Variants in ACTR3C observed in about 807,000 individuals in gnomAD.
ACTR3C encodes the protein actin-related protein 3C.
Under a neutral mutation model 26.3 loss-of-function variants are expected in ACTR3C, and 18 were observed. The ratio of observed to expected loss-of-function variants is 0.68; its 90% CI spans 0.47 to 1.01. The LOEUF (loss-of-function observed/expected upper bound fraction) is 1.01. Among genes scored for constraint, ACTR3C ranks in the 50% least tolerant of loss-of-function variants. ACTR3C has a pLI of 0.00. For missense variants in ACTR3C, 184 were observed against 250.7 expected (o/e 0.73, Z 1.80); for synonymous variants, 55 against 94.5 (o/e 0.58, Z 2.42).
intron 6 of ACTR3C, among the ~76,000 whole-genome samples, chr7:150,283,739 A>G (rs563628933): frequency 0.026 from 3,860 of 147,818 alleles, 189 homozygotes; most frequent in African/African-American, 0.098. Flanking sequence ...CACAGGTGAC[A>G]CAATGCTGAG....
At chr7:150,289,855 A>G (rs1836095851) in intron 3 of ACTR3C, among the ~76,000 whole-genome samples, 1 of 151,128 alleles carries the variant, frequency 6.6e-6, no homozygotes, top group African/African-American at 2.5e-5. Flanking sequence ...TTCATTAGGA[A>G]TATGAAAAGA....
the ACTR3C span, among the ~76,000 whole-genome samples, chr7:150,088,994 C>A: frequency 4.7e-4 from 72 of 152,238 alleles, 1 homozygote; most frequent in East Asian, 3.5e-3. Flanking sequence ...GCACCAACCA[C>A]TGCTTCCAAA....
the ACTR3C span, among the ~76,000 whole-genome samples, chr7:150,181,686 A>G: frequency 1.3e-5 from 2 of 150,944 alleles, no homozygotes; most frequent in Non-Finnish European, 2.9e-5. Flanking sequence ...CATAAAATTA[A>G]AGAGGAAATA....
intron 6 of ACTR3C, among the ~76,000 whole-genome samples, chr7:150,279,669 C>A (rs1462191891): frequency 6.6e-6 from 1 of 152,124 alleles, no homozygotes; most frequent in Non-Finnish European, 1.5e-5. Flanking sequence ...TCATTATCTT[C>A]CCTCCACCTG....
the ACTR3C span, among the ~76,000 whole-genome samples, chr7:150,164,069 T>G: frequency 2.0e-5 from 3 of 152,032 alleles, no homozygotes; most frequent in Non-Finnish European, 4.4e-5. Flanking sequence ...AGAAGAACAT[T>G]GGGACGCCCA....
At chr7:149,976,784 G>C in the ACTR3C span, among the ~76,000 whole-genome samples, 1 of 152,134 alleles carries the variant, frequency 6.6e-6, no homozygotes, top group Non-Finnish European at 1.5e-5. Flanking sequence ...ATATTATAGA[G>C]TAACAACCTT....
chr7:150,039,735 C>G, the ACTR3C span, among the ~76,000 whole-genome samples: 953 of 101,648 alleles, frequency 9.4e-3, 5 homozygotes, highest in African/African-American at 0.031. Flanking sequence ...CCCACCCTCG[C>G]GGGGGGTGCC....
At chr7:149,975,713 G>GA in the ACTR3C span, among the ~76,000 whole-genome samples, 1 of 152,204 alleles carries the variant, frequency 6.6e-6, no homozygotes, top group African/African-American at 2.4e-5. Flanking sequence ...AGGGACTCAG[G>GA]AAACTTACAG....
chr7:150,203,317 C>T, the ACTR3C span, among the ~76,000 whole-genome samples: 1 of 152,188 alleles, frequency 6.6e-6, no homozygotes, highest in Non-Finnish European at 1.5e-5. Context: ...AGCATGAGCA[C>T]ACAAGCAATT....
chr7:149,986,627 T>C, the ACTR3C span, among the ~76,000 whole-genome samples: 3 of 152,134 alleles, frequency 2.0e-5, no homozygotes, highest in African/African-American at 7.2e-5. Context: ...TTGGATGGAA[T>C]TGAACAAACT....
At chr7:149,883,625 C>T in the ACTR3C span, among the ~76,000 whole-genome samples, 6 of 152,208 alleles carry the variant, frequency 3.9e-5, no homozygotes, top group South Asian at 4.1e-4. Context: ...AAGTCTCTAG[C>T]GAGCCCTCGT....
chr7:150,257,345 A>G (rs2530984), intron 6 of ACTR3C, among the ~76,000 whole-genome samples: 7,268 of 151,870 alleles, frequency 0.048, 549 homozygotes, highest in African/African-American at 0.17. Flanking sequence ...AATTTTTAGA[A>G]CTGCAGAGCT....
chr7:150,101,578 G>C, the ACTR3C span, among the ~76,000 whole-genome samples: 1 of 151,730 alleles, frequency 6.6e-6, no homozygotes, highest in Non-Finnish European at 1.5e-5. Flanking sequence ...TCCCAGAGGA[G>C]AGCGGGGCTG....
chr7:150,037,849 C>G, the ACTR3C span, among the ~76,000 whole-genome samples: 1 of 95,740 alleles, frequency 1.0e-5, no homozygotes. Context: ...CGGAGGGTGC[C>G]TCCGCCCCCA....
the ACTR3C span, among the ~76,000 whole-genome samples, chr7:149,903,934 G>T: frequency 1.9e-5 from 2 of 103,094 alleles, no homozygotes; most frequent in Non-Finnish European, 4.4e-5. Context: ...TGTTGTTGTT[G>T]TTTTGAGACA....
chr7:150,260,924 A>G lies in ACTR3C; in HGVS notation c.565-11870T>C, dbSNP rs552586276. On this transcript the variant is annotated intron_variant, in intron 6 of 7. Coordinates refer to ENST00000683684, the MANE Select transcript of ACTR3C (RefSeq NM_001164458.2). ...CTGACAAACTTTGTAGACACTTCTC[A>G]AAATAAAGTTTATAAATGCTAAAGG... 2.4e-3 allele frequency among the ~76,000 whole-genome samples: 372 copies of G among 152,342 alleles called. 1 individual carries two copies. The highest frequency in any genetic ancestry group is 8.5e-3 in the African/African-American group (352 of 41,558).
At chr7:150,041,800 T>TC in the ACTR3C span, among the ~76,000 whole-genome samples, 458 of 94,568 alleles carry the variant, frequency 4.8e-3, 1 homozygote, top group African/African-American at 0.018. Context: ...GGGGGGTGCC[T>TC]CCCCCCCTGC....
the ACTR3C span, among the ~76,000 whole-genome samples, chr7:149,991,612 G>A: frequency 1.2e-3 from 190 of 152,280 alleles, no homozygotes; most frequent in African/African-American, 4.5e-3. Context: ...CATCAAAGAA[G>A]GAACAGAGCA....
the ACTR3C span, among the ~76,000 whole-genome samples, chr7:150,086,201 C>G: frequency 6.6e-6 from 1 of 152,100 alleles, no homozygotes; most frequent in Non-Finnish European, 1.5e-5. Context: ...GCAGGTTGGT[C>G]TCGAACTCCT....
Sources: allele counts gnomAD v4.1 joint callset (sites outside exome capture counted in the v4.1 genomes callset), GRCh38; gene constraint gnomAD v4.1.1; transcripts MANE v1.5; gene names NCBI Gene and HGNC (gene_info 2026-07-23, HGNC 2026-07-21).